Variants in LRFN5 observed in about 807,000 individuals in gnomAD.
The protein encoded by LRFN5 is leucine rich repeat and fibronectin type III domain containing 5.
In LRFN5, 24 loss-of-function variants were observed where a neutral mutation model predicts 45.6. That is an observed-to-expected ratio of 0.53 (90% CI 0.38 to 0.74). The LOEUF is 0.74. Among genes scored for constraint, LRFN5 ranks in the 30% least tolerant of loss-of-function variants. The pLI is 0.00. For synonymous variants in LRFN5, 340 were observed against 313.8 expected, an observed-to-expected ratio of 1.08 and a Z score of -0.88; for missense variants, 776 against 861.5, an observed-to-expected ratio of 0.90 and a Z score of 1.24.
Position 41,855,640 on chromosome 14 carries a change from A to G in LRFN5, c.-20-30966A>G, listed in dbSNP as rs142198253. Among the ~76,000 whole-genome samples, 6 of 152,280 alleles carry G rather than the reference A, an allele frequency of 3.9e-5. No individual in the cohort carries two copies. In the East Asian group the frequency reaches 5.8e-4, roughly 15 times the overall value. On this transcript the variant is annotated intron_variant, in intron 2 of 5. Transcript: ENST00000298119. ...TTCCACTCTGAAAAATATAACGACAAAAGTGTTCTTGCCTACTAAGGAAAC... is the reference window on the plus strand; with the variant it reads ...TTCCACTCTGAAAAATATAACGACAGAAGTGTTCTTGCCTACTAAGGAAAC...
intron 2 of LRFN5, among the ~76,000 whole-genome samples, chr14:41,801,347 T>A (rs539453201): frequency 8.5e-4 from 129 of 152,300 alleles, no homozygotes; most frequent in African/African-American, 3.0e-3. Context: ...TTAATGTCAA[T>A]TAAAATCTTG....
At chr14:41,827,047 A>G in intron 2 of LRFN5, among the ~76,000 whole-genome samples, 1 of 152,268 alleles carries the variant, frequency 6.6e-6, no homozygotes, top group South Asian at 2.1e-4. Context: ...CTTCAGAAAT[A>G]TGAATTAACC....
intron 1 of LRFN5, among the ~76,000 whole-genome samples, chr14:41,662,338 A>G (rs1479780377): frequency 6.6e-6 from 1 of 152,012 alleles, no homozygotes. Context: ...CTAATTCGGG[A>G]CTATTAACTT....
chr14:41,674,847 G>A (rs1020725243), intron 1 of LRFN5, among the ~76,000 whole-genome samples: 2 of 151,410 alleles, frequency 1.3e-5, no homozygotes, highest in East Asian at 2.0e-4. Context: ...CTTCTCAGAC[G>A]GGGCGGTTGC....
intron 1 of LRFN5, among the ~76,000 whole-genome samples, chr14:41,610,455 G>T (rs943301487): frequency 6.6e-6 from 1 of 150,732 alleles, no homozygotes; most frequent in Non-Finnish European, 1.5e-5. Flanking sequence ...ATTTATACCC[G>T]TATTGTTTCT....
chr14:41,854,237 G>T (rs1889374061), intron 2 of LRFN5, among the ~76,000 whole-genome samples: 1 of 152,000 alleles, frequency 6.6e-6, no homozygotes, highest in Admixed American at 6.6e-5. Flanking sequence ...CTTTCCTTTT[G>T]ATAGTTTGCT....
intron 1 of LRFN5, among the ~76,000 whole-genome samples, chr14:41,729,715 G>C (rs557677332): frequency 1.3e-5 from 2 of 151,966 alleles, no homozygotes; most frequent in African/African-American, 4.8e-5. Context: ...TTCTATGGAA[G>C]GCATGATTTT....
At chr14:41,812,692 A>C (rs1887776080) in intron 2 of LRFN5, among the ~76,000 whole-genome samples, 1 of 152,048 alleles carries the variant, frequency 6.6e-6, no homozygotes, top group African/African-American at 2.4e-5. Context: ...TCTTTGCTTG[A>C]ACAAAATGAT....
intron 1 of LRFN5, among the ~76,000 whole-genome samples, chr14:41,617,602 G>GTATGTT (rs1185005179): frequency 6.6e-6 from 1 of 152,002 alleles, no homozygotes; most frequent in Admixed American, 6.6e-5. Flanking sequence ...TCTTATATCT[G>GTATGTT]TATGTTTATA....
At chr14:41,667,194 T>A (rs188545461) in intron 1 of LRFN5, among the ~76,000 whole-genome samples, 1 of 152,282 alleles carries the variant, frequency 6.6e-6, no homozygotes, top group Admixed American at 6.5e-5. Flanking sequence ...AGAATGTTTA[T>A]GGCTTCAATT....
intron 1 of LRFN5, among the ~76,000 whole-genome samples, chr14:41,726,545 G>A (rs574791303): frequency 1.1e-4 from 16 of 152,158 alleles, no homozygotes; most frequent in African/African-American, 3.6e-4. Flanking sequence ...GAAGACCAAT[G>A]TGCCTCTGAA....
intron 1 of LRFN5, among the ~76,000 whole-genome samples, chr14:41,620,741 T>C (rs747772437): frequency 2.0e-5 from 3 of 152,076 alleles, no homozygotes; most frequent in Admixed American, 6.6e-5. Flanking sequence ...GGCCAAGTTT[T>C]CCCAATGATG....
chr14:41,886,730 C>T lies in LRFN5; in HGVS notation c.105C>T (p.Thr35=). 1 of 1,614,036 alleles carries T rather than the reference C, an allele frequency of 6.2e-7. No homozygotes were observed. Among genetic ancestry groups the T allele is most frequent in the Non-Finnish European group, 8.5e-7 (1 of 1,180,000 alleles). Residue 35 remains threonine, a synonymous_variant, in exon 3 of 6, where the codon ACC becomes ACT. Transcript: ENST00000298119. ...AGATTTTGTCTCCTAATCTTGCAACCCTTTGTGCCAAGAAAGGGCTTTTAT... is the reference window on the plus strand; with the variant it reads ...AGATTTTGTCTCCTAATCTTGCAACTCTTTGTGCCAAGAAAGGGCTTTTAT... The part of the protein sequence containing the change: ...VCQILSPNLA[T]LCAKKGLLFV...
intron 1 of LRFN5, among the ~76,000 whole-genome samples, chr14:41,728,420 A>C (rs1884025857): frequency 6.6e-6 from 1 of 152,194 alleles, no homozygotes; most frequent in South Asian, 2.1e-4. Flanking sequence ...ACTCTCAAGG[A>C]AAAAGAAAAC....
chr14:41,754,200 A>T (rs1294714956), intron 1 of LRFN5, among the ~76,000 whole-genome samples: 8 of 152,126 alleles, frequency 5.3e-5, no homozygotes, highest in African/African-American at 1.9e-4. Context: ...ATCGATGTTC[A>T]TCGGGGATAT....
chr14:41,768,365 G>A (rs1032263014), intron 2 of LRFN5, among the ~76,000 whole-genome samples: 4 of 152,108 alleles, frequency 2.6e-5, no homozygotes, highest in African/African-American at 7.2e-5. Context: ...GATTATAAAT[G>A]TGATGATGGT....
chr14:41,648,703 T>C (rs1042305519), intron 1 of LRFN5, among the ~76,000 whole-genome samples: 1 of 151,948 alleles, frequency 6.6e-6, no homozygotes, highest in Non-Finnish European at 1.5e-5. Flanking sequence ...TTCCCAAAAC[T>C]CTTTAATGTG....
At chr14:41,730,814 C>T (rs1051218141) in intron 1 of LRFN5, among the ~76,000 whole-genome samples, 1 of 151,276 alleles carries the variant, frequency 6.6e-6, no homozygotes. Context: ...GTTTTGTTAA[C>T]AAAAGATGAG....
chr14:41,759,207 T>C (rs1327588157), intron 1 of LRFN5, among the ~76,000 whole-genome samples: 1 of 152,196 alleles, frequency 6.6e-6, no homozygotes, highest in Non-Finnish European at 1.5e-5. Context: ...CTCGTGCTTG[T>C]AGATATTTCT....
Sources: allele counts gnomAD v4.1 joint callset (sites outside exome capture counted in the v4.1 genomes callset), GRCh38; gene constraint gnomAD v4.1.1; transcripts MANE v1.5; gene names NCBI Gene and HGNC (gene_info 2026-07-23, HGNC 2026-07-21).